PAQR3: variants seen among roughly 807,000 people sequenced by gnomAD.
PAQR3 encodes Raf kinase trapping to Golgi.
Under a neutral mutation model 41.7 loss-of-function variants are expected in PAQR3, and 39 were observed. The ratio of observed to expected loss-of-function variants is 0.93; its 90% CI spans 0.72 to 1.22. The LOEUF is 1.22. Ranked by LOEUF, PAQR3 falls within the 50% of genes most tolerant of loss-of-function variation. The probability of loss-of-function intolerance (pLI) is 0.00; values close to 1 mark genes in which losing one functional copy is unlikely to be tolerated. For missense variants in PAQR3, 366 were observed against 385.6 expected (o/e 0.95, Z 0.42); for synonymous variants, 140 against 140.6 (o/e 1.00, Z 0.03).
intron 4 of PAQR3, among the ~76,000 whole-genome samples, chr4:78,926,199 G>A (rs756131898): frequency 3.4e-4 from 52 of 152,082 alleles, no homozygotes; most frequent in Non-Finnish European, 6.8e-4. Context: ...CACTGATCCC[G>A]CAGACAAAGC....
At chr4:78,889,956 T>C (rs1733341894) in intron 11 of PAQR3, among the ~76,000 whole-genome samples, 1 of 152,252 alleles carries the variant, frequency 6.6e-6, no homozygotes, top group Non-Finnish European at 1.5e-5. Context: ...GTCCTGAATC[T>C]AGTGTTCCTT....
Position 78,926,601 on chromosome 4 carries a change from A to G in PAQR3, c.622T>C (p.Cys208Arg). Residue 208 changes from cysteine (C) to arginine (R), a missense_variant, in exon 4 of 6, where the codon TGT becomes CGT. Transcript: ENST00000512733. ...ATCACTCCATATCCCGAAACAGAAC[A>G]AAAGATGATAGAACGGAGCCTTTGC... ...QWQRLRSIIF[C>R]SVSGYGVIPT... is the part of the protein sequence containing the mutation. 6.2e-7 allele frequency: 1 copy of G among 1,614,102 alleles called. No homozygotes were observed. The highest frequency in any genetic ancestry group is 1.1e-5 in the South Asian group (1 of 91,090).
chr4:78,923,699 A>T, intron 5 of PAQR3, 158 bp downstream of exon 5: 2 of 649,774 alleles, frequency 3.1e-6, no homozygotes, highest in Non-Finnish European at 5.5e-6. Context: ...GGAAAAGTGA[A>T]AGCCCTTTGA....
intron 11 of PAQR3, among the ~76,000 whole-genome samples, chr4:78,894,848 C>T (rs1733622760): frequency 3.3e-5 from 5 of 152,174 alleles, no homozygotes; most frequent in Admixed American, 3.3e-4. Flanking sequence ...CGTCCTTTCA[C>T]CTGAACACTT....
intron 2 of PAQR3, chr4:78,930,726 G>T (rs4246709): frequency 0.87 from 132,199 of 152,660 alleles, 57,383 homozygotes; most frequent in African/African-American, 0.92. Context: ...GCAATATATA[G>T]CCTTAAAAAA....
chr4:78,893,484 C>T (rs1432874305), intron 11 of PAQR3, among the ~76,000 whole-genome samples: 1 of 152,164 alleles, frequency 6.6e-6, no homozygotes, highest in Non-Finnish European at 1.5e-5. Flanking sequence ...GAATTCTTTT[C>T]AGGTTTTCAG....
chr4:78,892,282 G>A (rs546738077), intron 11 of PAQR3, among the ~76,000 whole-genome samples: 1 of 152,020 alleles, frequency 6.6e-6, no homozygotes, highest in East Asian at 1.9e-4. Context: ...CCGTTTAGAT[G>A]TTCAGTTTTC....
In PAQR3 at chr4:78,914,339, TA is replaced by T. The variant is rs2110116380; in HGVS notation, c.*6199del. On this transcript the variant is annotated 3_prime_UTR_variant, in exon 6 of 6. Coordinates refer to ENST00000512733, the MANE Select transcript of PAQR3 (RefSeq NM_001040202.2). ...ACAGCATAAAATATTTACATTCTTA[TA>T]ACACAGCACAGTGACTTTCTTCTTT... The T allele has an allele frequency of 6.6e-6, 1 of 152,210 alleles. No individual in the cohort carries two copies. The highest frequency in any genetic ancestry group is 2.1e-4 in the South Asian group (1 of 4,830). 9.4% of individuals were successfully genotyped at this position (152,210 alleles called of 1,614,324 possible).
chr4:78,893,445 C>A (rs1034966111), intron 11 of PAQR3, among the ~76,000 whole-genome samples: 1 of 152,138 alleles, frequency 6.6e-6, no homozygotes, highest in Admixed American at 6.5e-5. Context: ...TTACGAATCA[C>A]GAATGATTTT....
At chr4:78,897,583 A>T (rs1225124572) in intron 11 of PAQR3, among the ~76,000 whole-genome samples, 1 of 152,168 alleles carries the variant, frequency 6.6e-6, no homozygotes, top group African/African-American at 2.4e-5. Context: ...TCTAATATTT[A>T]TACCTGTTAA....
rs953538314 is a variant in PAQR3 at position 78,920,329 on chromosome 4, GT to G, written c.*209del. ...GATTGCCAACTAATTTTCACTTTCT[GT>G]ACAAGCAGCAAATTAGTAGTTTTAA... On this transcript the variant is annotated 3_prime_UTR_variant, in exon 6 of 6. Coordinates refer to ENST00000512733, the MANE Select transcript of PAQR3 (RefSeq NM_001040202.2). The G allele has an allele frequency of 2.5e-6, 3 of 1,204,114 alleles. No individual in the cohort carries two copies. The African/African-American group carries it at 4.7e-5, about 19-fold the overall frequency. The allele number at this position is 1,204,114 out of a possible 1,614,324, so 74.6% of individuals were successfully genotyped here.
intron 5 of PAQR3, chr4:78,921,873 C>T (rs1735691851): frequency 1.0e-6 from 1 of 984,868 alleles, no homozygotes; most frequent in African/African-American, 1.7e-5. Flanking sequence ...TCTCATGTAC[C>T]CAAACTCAAT....
rs888705178 is a variant in PAQR3 at position 78,915,546 on chromosome 4, A to G, written c.*4993T>C. The stretch of plus-strand genomic sequence containing the variant: ...CAGTCTACTGTGAGAATGAGATGAC[A>G]TATCTACTGTGAGAATACCATAAAT... On this transcript the variant is annotated 3_prime_UTR_variant, in exon 6 of 6. Transcript: ENST00000512733. 1 of 151,882 alleles carries G rather than the reference A, an allele frequency of 6.6e-6. No individual in the cohort carries two copies. The highest frequency in any genetic ancestry group is 2.4e-5 in the African/African-American group (1 of 41,382). 9.4% of individuals were successfully genotyped at this position (151,882 alleles called of 1,614,324 possible). A position where few individuals can be genotyped will look rare whatever the true frequency, so the allele number is the denominator to read the frequency against.
At chr4:78,911,718 T>A (rs755505436), downstream of PAQR3, 7 of 1,613,956 alleles carry the variant, frequency 4.3e-6, no homozygotes, top group South Asian at 7.7e-5. Flanking sequence ...ATAGGGGGAA[T>A]GTCTTACAAC....
In PAQR3 at chr4:78,916,474, T is replaced by A. The variant is rs1169038966; in HGVS notation, c.*4065A>T. ...CACCACAAACATTAAGCACCTATTA[T>A]GTAGCAGCTAGTGGAATAGAAAAGT... On this transcript the variant is annotated 3_prime_UTR_variant, in exon 6 of 6. Coordinates refer to ENST00000512733, the MANE Select transcript of PAQR3 (RefSeq NM_001040202.2). The A allele has an allele frequency of 6.6e-6, 1 of 151,938 alleles. No individual in the cohort carries two copies. Among genetic ancestry groups the A allele is most frequent in the Non-Finnish European group, 1.5e-5 (1 of 67,878 alleles). 9.4% of individuals were successfully genotyped at this position (151,938 alleles called of 1,614,324 possible).
rs528977374 is a variant in PAQR3, at chr4:78,926,602, A to G, written c.621T>C (p.Phe207=). Residue 207 remains phenylalanine (F), a synonymous_variant, in exon 4 of 6, where the codon TTT becomes TTC. Transcript: ENST00000512733. ...QQWQRLRSII[F]CSVSGYGVIP... ...TCACTCCATATCCCGAAACAGAACAAAAGATGATAGAACGGAGCCTTTGCC... is the reference window on the plus strand; with the variant it reads ...TCACTCCATATCCCGAAACAGAACAGAAGATGATAGAACGGAGCCTTTGCC... 2.5e-6 allele frequency: 4 copies of G among 1,614,106 alleles called. No homozygotes were observed. The South Asian group carries it at 4.4e-5, about 18-fold the overall frequency.
At position 78,918,845 on chromosome 4, in the gene PAQR3, A is replaced by G; in HGVS notation, c.*1694T>C. On this transcript the variant is annotated 3_prime_UTR_variant, in exon 6 of 6. Transcript: ENST00000512733. Reference sequence around the variant, plus strand: ...ATATCTATTAAAAGGCAATAAAATCATGTAAGCCAATAAGGGATGTTCTAG... The same window carrying G: ...ATATCTATTAAAAGGCAATAAAATCGTGTAAGCCAATAAGGGATGTTCTAG... 1.0e-6 allele frequency: 1 copy of G among 984,594 alleles called. No individual in the cohort carries two copies. The highest frequency in any genetic ancestry group is 1.2e-6 in the Non-Finnish European group (1 of 829,280). The allele number at this position is 984,594 out of a possible 1,614,324, so 61.0% of individuals were successfully genotyped here. A position where few individuals can be genotyped will look rare whatever the true frequency, so the allele number is the denominator to read the frequency against.
rs1735335774 is a variant in PAQR3, at chr4:78,918,654, A to G, written c.*1885T>C. On this transcript the variant is annotated 3_prime_UTR_variant, in exon 6 of 6. Coordinates refer to ENST00000512733, the MANE Select transcript of PAQR3 (RefSeq NM_001040202.2). Reference sequence around the variant, plus strand: ...TTATTAATTCAAATGGCAAGTATGTATTCATATACTAATACAGGGACTGCA... The same window carrying G: ...TTATTAATTCAAATGGCAAGTATGTGTTCATATACTAATACAGGGACTGCA... 2 of 945,506 alleles carry G rather than the reference A, an allele frequency of 2.1e-6. No homozygotes were observed. The highest frequency in any genetic ancestry group is 5.4e-4 in the Middle Eastern group (1 of 1,836). The allele number at this position is 945,506 out of a possible 1,614,324, so 58.6% of individuals were successfully genotyped here.
intron 2 of PAQR3, chr4:78,933,125 G>T: frequency 2.2e-6 from 1 of 452,910 alleles, no homozygotes; most frequent in Admixed American, 2.4e-5. Context: ...CTTTTTTCCT[G>T]CTTAAATGCC....
Sources: allele counts gnomAD v4.1 joint callset (sites outside exome capture counted in the v4.1 genomes callset), GRCh38; gene constraint gnomAD v4.1.1; transcripts MANE v1.5; gene names NCBI Gene and HGNC (gene_info 2026-07-23, HGNC 2026-07-21).